Variants in SPHK1 observed in about 807,000 individuals in gnomAD.
SPHK1 encodes SK 1.
A neutral mutation model predicts 14.6 loss-of-function variants in SPHK1; 10 were observed. The observed-to-expected ratio is 0.68, with a 90% CI of 0.42 to 1.16. SPHK1 has a LOEUF of 1.16. SPHK1 is among the 50% of genes most tolerant of loss of function. The probability of loss-of-function intolerance (pLI) is 0.00; values close to 1 mark genes in which losing one functional copy is unlikely to be tolerated. For synonymous variants in SPHK1, 274 were observed against 224.0 expected (o/e 1.22, Z -1.99); for missense variants, 553 against 525.4 (o/e 1.05, Z -0.51).
chr17:76,386,671 C>T lies in SPHK1; in HGVS notation c.375-135C>T. On this transcript the variant is annotated intron_variant, in intron 5 of 5. Coordinates refer to ENST00000592299, the MANE Select transcript of SPHK1 (RefSeq NM_001142601.2). This position sits in a 1 kb window ranked among gnomAD's most constrained non-coding sequence, Gnocchi z 5.3. The stretch of plus-strand genomic sequence containing the variant: ...CCCCAGCTGACTGCTTCCATTTGCT[C>T]CATCTGTCACCTACCAGTCCTGCCA... The T allele has an allele frequency of 8.4e-7, 1 of 1,196,240 alleles. No homozygotes were observed. Among genetic ancestry groups the T allele is most frequent in the Non-Finnish European group, 1.2e-6 (1 of 861,210 alleles). 74.1% of individuals were successfully genotyped at this position (1,196,240 alleles called of 1,614,324 possible).
At chr17:76,384,831 C>T (rs1450568024) in intron 1 of SPHK1, 25 bp downstream of exon 1, 2 of 339,630 alleles carry the variant, frequency 5.9e-6, no homozygotes, top group East Asian at 1.1e-4. Context: ...CCTGCCTTCG[C>T]GCCGCTCGTG....
chr17:76,383,696 C>T, upstream of SPHK1: 1 of 528,680 alleles, frequency 1.9e-6, no homozygotes. Flanking sequence ...TCGAGGTGCT[C>T]GCGGACACGT....
chr17:76,386,576 C>T lies in SPHK1; in HGVS notation c.374+68C>T. The T allele has an allele frequency of 6.9e-7, 1 of 1,449,216 alleles. No homozygotes were observed. Among genetic ancestry groups the T allele is most frequent in the Non-Finnish European group, 9.4e-7 (1 of 1,058,766 alleles). 89.8% of individuals were successfully genotyped at this position (1,449,216 alleles called of 1,614,324 possible). A position where few individuals can be genotyped will look rare whatever the true frequency, so the allele number is the denominator to read the frequency against. On this transcript the variant is annotated intron_variant, in intron 5 of 5. Coordinates refer to ENST00000592299, the MANE Select transcript of SPHK1 (RefSeq NM_001142601.2). This position sits in a 1 kb window ranked among gnomAD's most constrained non-coding sequence, Gnocchi z 5.3. ...TCCTCTACCGCGGGGGTTTTCTTGT[C>T]TAAGCTCCCATAGGCTGAGATCATT...
At chr17:76,384,402 C>T (rs1333417988), upstream of SPHK1, 3 of 150,614 alleles carry the variant, frequency 2.0e-5, no homozygotes, top group Non-Finnish European at 4.5e-5. Context: ...GCGGCGCCGC[C>T]TTCTAGCCAG....
Position 76,386,444 on chromosome 17 carries a change from C to T in SPHK1, c.310C>T (p.Pro104Ser), listed in dbSNP as rs201193043. 3.8e-5 allele frequency: 62 copies of T among 1,613,080 alleles called. 1 individual carries two copies. The Middle Eastern group carries it at 2.5e-3, about 64-fold the overall frequency. Residue 104 changes from proline to serine, a missense_variant, in exon 5 of 6, where the codon CCC becomes TCC. By Grantham distance (74) the Pro-to-Ser change is moderately conservative. Coordinates refer to ENST00000592299, the MANE Select transcript of SPHK1 (RefSeq NM_001142601.2). The surrounding 1 kb of genome is among the most constrained non-coding windows in gnomAD (Gnocchi z 5.3). ...RPDWETAIQK[P>S]LCSLPAGSGN... ...TGACTGGGAGACCGCCATCCAGAAG[C>T]CCCTGTGTAGCCTCCCAGCAGGCTC... is the stretch of plus-strand genomic sequence containing the variant.
At position 76,386,852 on chromosome 17, in the gene SPHK1, T is replaced by C. The variant is rs1477805875; in HGVS notation, c.421T>C (p.Leu141=). The C allele has an allele frequency of 5.0e-6, 8 of 1,593,634 alleles. No homozygotes were observed. The highest frequency in any genetic ancestry group is 2.7e-5 in the African/African-American group (2 of 74,528). The change falls in exon 6 of 6, where the codon TTG becomes CTG. Residue 141 remains leucine, a synonymous_variant. Coordinates refer to ENST00000592299, the MANE Select transcript of SPHK1 (RefSeq NM_001142601.2). The surrounding 1 kb of genome is among the most constrained non-coding windows in gnomAD (Gnocchi z 5.3). ...AGACCTCCTGACCAACTGCACGCTA[T>C]TGCTGTGCCGCCGGCTGCTGTCACC... ...NEDLLTNCTL[L]LCRRLLSPMN...
In SPHK1 at chr17:76,386,885, C is replaced by G; in HGVS notation, c.454C>G (p.Leu152Val). The change falls in exon 6 of 6, where the codon CTG becomes GTG. Residue 152 changes from leucine (L) to valine (V), a missense_variant. Transcript: ENST00000592299. This position sits in a 1 kb window ranked among gnomAD's most constrained non-coding sequence, Gnocchi z 5.3. ...LCRRLLSPMN[L>V]LSLHTASGLR... ...CCGCCGGCTGCTGTCACCCATGAACCTGCTGTCTCTGCACACGGCTTCGGG... is the reference window on the plus strand; with the variant it reads ...CCGCCGGCTGCTGTCACCCATGAACGTGCTGTCTCTGCACACGGCTTCGGG... 6.2e-7 allele frequency: 1 copy of G among 1,610,164 alleles called. No individual in the cohort carries two copies. Among genetic ancestry groups the G allele is most frequent in the Non-Finnish European group, 8.5e-7 (1 of 1,177,680 alleles).
At position 76,387,551 on chromosome 17, in the gene SPHK1, C is replaced by T. The variant is rs1162260478; in HGVS notation, c.1120C>T (p.Pro374Ser). Residue 374 changes from proline (P) to serine (S), a missense_variant, in exon 6 of 6, where the codon CCC (proline) becomes TCC (serine). Pro to Ser is a moderately conservative substitution (Grantham distance 74). Transcript: ENST00000592299. This position sits in a 1 kb window ranked among gnomAD's most constrained non-coding sequence, Gnocchi z 4.1. ...GCVEPPPSWK[P>S]QQMPPPEEPL Reference sequence around the variant, plus strand: ...CGTGGAGCCCCCGCCCAGCTGGAAGCCCCAGCAGATGCCACCGCCAGAAGA... The same window carrying T: ...CGTGGAGCCCCCGCCCAGCTGGAAGTCCCAGCAGATGCCACCGCCAGAAGA... 6.2e-7 allele frequency: 1 copy of T among 1,604,466 alleles called. No homozygotes were observed. The highest frequency in any genetic ancestry group is 1.1e-5 in the South Asian group (1 of 90,512).
At chr17:76,384,259 C>G (rs550061541), upstream of SPHK1, 23 of 152,332 alleles carry the variant, frequency 1.5e-4, 1 homozygote, top group Admixed American at 1.4e-3. Context: ...CTCGCTCCGA[C>G]ACGAGTTCGC....
chr17:76,387,080 A>G lies in SPHK1; in HGVS notation c.649A>G (p.Arg217Gly). ...RGRLAYLPVG[R>G]VGSKTPASPV... ...CCGACTGGCCTACCTCCCTGTAGGAAGAGTGGGTTCCAAGACACCTGCCTC... is the reference window on the plus strand; with the variant it reads ...CCGACTGGCCTACCTCCCTGTAGGAGGAGTGGGTTCCAAGACACCTGCCTC... Residue 217 changes from arginine to glycine, a missense_variant, in exon 6 of 6, where the codon AGA becomes GGA. Arg to Gly is a moderately radical substitution (Grantham distance 125). Transcript: ENST00000592299. The surrounding 1 kb of genome is among the most constrained non-coding windows in gnomAD (Gnocchi z 4.1). 2.5e-6 allele frequency: 4 copies of G among 1,613,354 alleles called. No individual in the cohort carries two copies. The highest frequency in any genetic ancestry group is 3.3e-4 in the Middle Eastern group (2 of 6,054).
At position 76,384,676 on chromosome 17, in the gene SPHK1, G is replaced by A. The variant is rs2071929309; in HGVS notation, c.-325G>A. On this transcript the variant is annotated 5_prime_UTR_variant, in exon 1 of 6. Transcript: ENST00000592299. ...AAAAGTTTGAGGCCGGAGGGAGCGA[G>A]GCCGGGGAGTCCGCTCCAGCGGGGC... is the stretch of plus-strand genomic sequence containing the variant. The A allele has an allele frequency of 6.4e-6, 1 of 156,028 alleles. No individual in the cohort carries two copies. The highest frequency in any genetic ancestry group is 6.5e-5 in the Admixed American group (1 of 15,376). The allele number at this position is 156,028 out of a possible 1,614,324, so 9.7% of individuals were successfully genotyped here.
At position 76,387,588 on chromosome 17, in the gene SPHK1, C is replaced by T. The variant is rs764481305; in HGVS notation, c.*2C>T. Reference sequence around the variant, plus strand: ...CCACCGCCAGAAGAGCCCTTATGACCCCTGGGCCGCGCTGTGCCTTAGTGT... The same window carrying T: ...CCACCGCCAGAAGAGCCCTTATGACTCCTGGGCCGCGCTGTGCCTTAGTGT... On this transcript the variant is annotated 3_prime_UTR_variant, in exon 6 of 6. Coordinates refer to ENST00000592299, the MANE Select transcript of SPHK1 (RefSeq NM_001142601.2). The surrounding 1 kb of genome is among the most constrained non-coding windows in gnomAD (Gnocchi z 4.1). 2 of 1,578,372 alleles carry T rather than the reference C, an allele frequency of 1.3e-6. No individual in the cohort carries two copies. The highest frequency in any genetic ancestry group is 2.2e-5 in the East Asian group (1 of 44,606).
In SPHK1 at chr17:76,387,318, G is replaced by C. The variant is rs144131867; in HGVS notation, c.887G>C (p.Arg296Pro). The C allele has an allele frequency of 6.2e-7, 1 of 1,613,460 alleles. No individual in the cohort carries two copies. Among genetic ancestry groups the C allele is most frequent in the Non-Finnish European group, 8.5e-7 (1 of 1,179,978 alleles). Residue 296 changes from arginine (R) to proline (P), a missense_variant, in exon 6 of 6, where the codon CGT becomes CCT. Physicochemically the swap from Arg to Pro is moderately radical, Grantham distance 103 (BLOSUM62 -2). Coordinates refer to ENST00000592299, the MANE Select transcript of SPHK1 (RefSeq NM_001142601.2). The surrounding 1 kb of genome is among the most constrained non-coding windows in gnomAD (Gnocchi z 4.1). ...HLFYVRAGVS[R>P]AMLLRLFLAM... Reference sequence around the variant, plus strand: ...TTCTACGTGCGGGCGGGAGTGTCTCGTGCCATGCTGCTGCGCCTCTTCCTG... The same window carrying C: ...TTCTACGTGCGGGCGGGAGTGTCTCCTGCCATGCTGCTGCGCCTCTTCCTG...
At position 76,386,837 on chromosome 17, in the gene SPHK1, A is replaced by C. The variant is rs1204203127; in HGVS notation, c.406A>C (p.Thr136Pro). The C allele has an allele frequency of 6.4e-7, 1 of 1,572,770 alleles. No homozygotes were observed. Among genetic ancestry groups the C allele is most frequent in the Non-Finnish European group, 8.6e-7 (1 of 1,157,026 alleles). The change falls in exon 6 of 6, where the codon ACC (threonine) becomes CCC (proline). Residue 136 changes from threonine (T) to proline (P), a missense_variant. Coordinates refer to ENST00000592299, the MANE Select transcript of SPHK1 (RefSeq NM_001142601.2). The surrounding 1 kb of genome is among the most constrained non-coding windows in gnomAD (Gnocchi z 5.3). ...YEQVTNEDLL[T>P]NCTLLLCRRL... Reference sequence around the variant, plus strand: ...GCAGGTCACCAATGAAGACCTCCTGACCAACTGCACGCTATTGCTGTGCCG... The same window carrying C: ...GCAGGTCACCAATGAAGACCTCCTGCCCAACTGCACGCTATTGCTGTGCCG...
rs540284998 is a variant in SPHK1, at chr17:76,387,743, G to T, written c.*157G>T. 6.7e-6 allele frequency: 6 copies of T among 895,686 alleles called. No individual in the cohort carries two copies. Among genetic ancestry groups the T allele is most frequent in the African/African-American group, 5.0e-5 (3 of 59,476 alleles). 55.5% of individuals were successfully genotyped at this position (895,686 alleles called of 1,614,324 possible). A position where few individuals can be genotyped will look rare whatever the true frequency, so the allele number is the denominator to read the frequency against. On this transcript the variant is annotated 3_prime_UTR_variant, in exon 6 of 6. Coordinates refer to ENST00000592299, the MANE Select transcript of SPHK1 (RefSeq NM_001142601.2). This position sits in a 1 kb window ranked among gnomAD's most constrained non-coding sequence, Gnocchi z 4.1. ...ATGCTTTGGGGGGACAGGCCAGAAT[G>T]AAGTCCTGGGTCAGGAGCCCAGCTG... is the stretch of plus-strand genomic sequence containing the variant.
upstream of SPHK1, chr17:76,383,539 G>C: frequency 3.7e-6 from 1 of 272,242 alleles, no homozygotes; most frequent in South Asian, 2.7e-5. Flanking sequence ...GGTGTGTGGG[G>C]GCGGGTGGGG....
In SPHK1 at chr17:76,385,210, C is replaced by T. The variant is rs1013310717; in HGVS notation, c.-194-241C>T. The T allele has an allele frequency of 2.6e-6, 4 of 1,559,986 alleles. No individual in the cohort carries two copies. The highest frequency in any genetic ancestry group is 8.7e-7 in the Non-Finnish European group (1 of 1,153,080). ...GTCGGAGGGAGCCACGGGGCTCTGA[C>T]TCATCCGTCGGGCCGGAACCGAACC... On this transcript the variant is annotated intron_variant, in intron 1 of 5. Transcript: ENST00000592299. This position sits in a 1 kb window ranked among gnomAD's most constrained non-coding sequence, Gnocchi z 5.3.
rs1489686871 is a variant in SPHK1 at position 76,385,910 on chromosome 17, A to G, written c.11-75A>G. ...GGTGTTTCGGGCACCAAGTTCCCAC[A>G]CTAGTGCCCCATTGTTACCCGTGGC... On this transcript the variant is annotated intron_variant, in intron 2 of 5. Transcript: ENST00000592299. This position sits in a 1 kb window ranked among gnomAD's most constrained non-coding sequence, Gnocchi z 5.3. 6.6e-7 allele frequency: 1 copy of G among 1,519,152 alleles called. No individual in the cohort carries two copies. The highest frequency in any genetic ancestry group is 1.7e-4 in the Middle Eastern group (1 of 5,792). The allele number at this position is 1,519,152 out of a possible 1,614,324, so 94.1% of individuals were successfully genotyped here.
In SPHK1 at chr17:76,386,669, C is replaced by T; in HGVS notation, c.375-137C>T. The T allele has an allele frequency of 2.5e-6, 3 of 1,191,576 alleles. No homozygotes were observed. The highest frequency in any genetic ancestry group is 3.5e-6 in the Non-Finnish European group (3 of 857,410). 73.8% of individuals were successfully genotyped at this position (1,191,576 alleles called of 1,614,324 possible). A position where few individuals can be genotyped will look rare whatever the true frequency, so the allele number is the denominator to read the frequency against. On this transcript the variant is annotated intron_variant, in intron 5 of 5. Coordinates refer to ENST00000592299, the MANE Select transcript of SPHK1 (RefSeq NM_001142601.2). This position sits in a 1 kb window ranked among gnomAD's most constrained non-coding sequence, Gnocchi z 5.3. Reference sequence around the variant, plus strand: ...GACCCCAGCTGACTGCTTCCATTTGCTCCATCTGTCACCTACCAGTCCTGC... The same window carrying T: ...GACCCCAGCTGACTGCTTCCATTTGTTCCATCTGTCACCTACCAGTCCTGC...
Sources: allele counts gnomAD v4.1 joint callset, GRCh38; gene constraint gnomAD v4.1.1; non-coding constraint Gnocchi (gnomAD v3.1); transcripts MANE v1.5; gene names NCBI Gene and HGNC (gene_info 2026-07-23, HGNC 2026-07-21).